MYH3: variants seen among roughly 807,000 people sequenced by gnomAD.
The protein encoded by MYH3 is myosin-3.
In MYH3, 130 loss-of-function variants were observed where a neutral mutation model predicts 238.0. The ratio of observed to expected loss-of-function variants is 0.55; its 90% CI spans 0.47 to 0.63. The LOEUF (loss-of-function observed/expected upper bound fraction) is 0.63, where lower values mean the gene tolerates loss of function less well. Ranked by LOEUF, MYH3 falls within the 30% of genes least tolerant of loss-of-function variation. The pLI is 0.00. For missense variants in MYH3, 1,853 were observed against 2,374.9 expected (o/e 0.78, Z 4.57); for synonymous variants, 880 against 924.1 (o/e 0.95, Z 0.86).
chr17:10,649,951 TTTTA>T lies in MYH3; in HGVS notation c.534-270_534-267del, dbSNP rs746586500. Among the ~76,000 whole-genome samples, 8 of 152,226 alleles carry T rather than the reference TTTTA, an allele frequency of 5.3e-5. 1 individual carries two copies. ...CCATCCCCAAATCGATCTTTTTATT[TTTTA>T]TTTATTTATTTTTCTCTTTTATTTT... On this transcript the variant is annotated intron_variant, in intron 6 of 40. Coordinates refer to ENST00000583535, the MANE Select transcript of MYH3 (RefSeq NM_002470.4).
rs2074356174 is a variant in MYH3, at chr17:10,649,610, C to G, written c.609G>C (p.Gly203=). The change falls in exon 7 of 41, where the codon GGG becomes GGC. Residue 203 remains glycine, a synonymous_variant. Coordinates refer to ENST00000583535, the MANE Select transcript of MYH3 (RefSeq NM_002470.4). The stretch of plus-strand genomic sequence containing the variant: ...TGGAGTCCTTCTTCTTGGCCAGGTC[C>G]CCAGTAGCTGCAATTGTTGCAAAGT... ...IQYFATIAAT[G]DLAKKKDSKM... The G allele has an allele frequency of 1.2e-6, 2 of 1,614,238 alleles. No individual in the cohort carries two copies. Among genetic ancestry groups the G allele is most frequent in the Non-Finnish European group, 8.5e-7 (1 of 1,180,028 alleles).
chr17:10,632,408 T>C, intron 34 of MYH3, 68 bp downstream of exon 34: 2 of 1,557,678 alleles, frequency 1.3e-6, no homozygotes, highest in South Asian at 2.2e-5. Flanking sequence ...CGTGCACCAC[T>C]GTGCCCAGCC....
chr17:10,660,877 C>G (rs1160004871), upstream of MYH3, among the ~76,000 whole-genome samples: 15 of 150,286 alleles, frequency 1.0e-4, no homozygotes, highest in African/African-American at 3.7e-4. Flanking sequence ...CCCAGCTATT[C>G]GAGAGGCTGA....
At position 10,654,733 on chromosome 17, in the gene MYH3, A is replaced by G. The variant is rs2074411986; in HGVS notation, c.204+128T>C. 3.4e-6 allele frequency: 3 copies of G among 885,934 alleles called. No individual in the cohort carries two copies. The highest frequency in any genetic ancestry group is 1.6e-5 in the African/African-American group (1 of 60,978). 54.9% of individuals were successfully genotyped at this position (885,934 alleles called of 1,614,324 possible). On this transcript the variant is annotated intron_variant, in intron 3 of 40. Transcript: ENST00000583535. The surrounding 1 kb of genome is among the most constrained non-coding windows in gnomAD (Gnocchi z 4.5). ...GAGGATACCTGGGAAGCCCCAGGCT[A>G]CATTGTATGCGGCATTCCAGTGCTG...
Position 10,643,088 on chromosome 17 carries a change from T to A in MYH3, c.1411-92A>T, listed in dbSNP as rs868054527. On this transcript the variant is annotated intron_variant, in intron 14 of 40. Transcript: ENST00000583535. ...TCCTCCTCATTGCCCCAGGTTCCTG[T>A]CAAACACATTAATGCTTTCAAATAC... The A allele has an allele frequency of 2.7e-5, 43 of 1,602,758 alleles. No individual in the cohort carries two copies. In the Middle Eastern group the frequency reaches 6.2e-3, roughly 229 times the overall value.
Position 10,638,348 on chromosome 17 carries a change from G to T in MYH3, c.3424C>A (p.Arg1142=), listed in dbSNP as rs377485236. ...CGCTCGCTCAGCTCCTCCAGCTCCC[G>T]GGCATAGTCGCTGCGCTGTTTCTCT... ...KTEKQRSDYA[R]ELEELSERLE... The change falls in exon 27 of 41, where the codon CGG becomes AGG. Residue 1142 remains arginine, a synonymous_variant. Transcript: ENST00000583535. 1.9e-6 allele frequency: 3 copies of T among 1,609,730 alleles called. No homozygotes were observed. The South Asian group carries it at 3.3e-5, about 18-fold the overall frequency.
the MYH3 span, among the ~76,000 whole-genome samples, chr17:10,667,470 A>G: frequency 7.9e-5 from 12 of 151,920 alleles, no homozygotes; most frequent in African/African-American, 2.9e-4. Flanking sequence ...TCACTTGAGG[A>G]TAGGAGTTTG....
At chr17:10,646,308 C>T (rs1434498067) in intron 10 of MYH3, among the ~76,000 whole-genome samples, 2 of 152,100 alleles carry the variant, frequency 1.3e-5, no homozygotes, top group African/African-American at 4.8e-5. Context: ...ATATCAGTGT[C>T]GGCTGGGAGA....
upstream of MYH3, among the ~76,000 whole-genome samples, chr17:10,660,228 T>C (rs1274858097): frequency 6.6e-6 from 1 of 152,232 alleles, no homozygotes; most frequent in Non-Finnish European, 1.5e-5. Context: ...CTGTGTTTGG[T>C]ACATTGCAGG....
chr17:10,632,110 G>T (rs866110122), intron 34 of MYH3, 94 bp from the exon 35 acceptor site: 1 of 1,379,784 alleles, frequency 7.2e-7, no homozygotes. Flanking sequence ...TTGTTTGTTT[G>T]TTTTTGTTTT....
intron 6 of MYH3, 123 bp from the exon 7 acceptor site, chr17:10,649,808 A>G: frequency 4.6e-6 from 4 of 872,400 alleles, no homozygotes; most frequent in Non-Finnish European, 7.6e-6. Context: ...TCACCACACT[A>G]ATGTGACAGA....
chr17:10,634,510 T>C (rs2074195047), intron 31 of MYH3, among the ~76,000 whole-genome samples: 2 of 151,952 alleles, frequency 1.3e-5, no homozygotes, highest in Non-Finnish European at 2.9e-5. Context: ...TTATCTGCCA[T>C]CTTGAAAGAA....
the MYH3 span, among the ~76,000 whole-genome samples, chr17:10,668,805 C>T: frequency 0.21 from 31,658 of 152,124 alleles, 3,483 homozygotes; most frequent in Non-Finnish European, 0.25. Context: ...TTTTCTTTTA[C>T]CACAAGTGAG....
In MYH3 at chr17:10,648,617, A is replaced by G. The variant is rs750358139; in HGVS notation, c.675T>C (p.Asn225=). The G allele has an allele frequency of 1.9e-6, 3 of 1,613,830 alleles. No homozygotes were observed. Among genetic ancestry groups the G allele is most frequent in the Non-Finnish European group, 2.5e-6 (3 of 1,179,920 alleles). Residue 225 remains asparagine (N), a synonymous_variant, in exon 8 of 41, where the codon AAT becomes AAC. Transcript: ENST00000583535. ...CGTTCCCAAAGGCCTCCAGCAGGGG[A>G]TTGGCACTGATGATTTGATCTTCCA... ...GTLEDQIISA[N]PLLEAFGNAK...
Position 10,633,733 on chromosome 17 carries a change from T to G in MYH3, c.4523-18A>C, listed in dbSNP as rs757985950. On this transcript the variant is annotated intron_variant, in intron 32 of 40. Transcript: ENST00000583535. ...TATCTCCTCTGTAAAGAAGTAAGTT[T>G]CAGTTGCATATGAGCGCCTCTGCGT... The G allele has an allele frequency of 6.2e-7, 1 of 1,613,738 alleles. No homozygotes were observed.
At chr17:10,641,014 T>C in intron 19 of MYH3, 71 bp downstream of exon 19, 1 of 1,225,412 alleles carries the variant, frequency 8.2e-7, no homozygotes, top group Middle Eastern at 2.7e-4. Context: ...TTCATACGAA[T>C]CTTTCTCCCT....
the MYH3 span, among the ~76,000 whole-genome samples, chr17:10,662,811 G>A: frequency 6.6e-6 from 1 of 152,132 alleles, no homozygotes; most frequent in Non-Finnish European, 1.5e-5. Flanking sequence ...TCGGGGCTGA[G>A]TGCAGTGGCT....
rs775119247 is a variant in MYH3, at chr17:10,638,439, A to G, written c.3340-7T>C. 1.3e-6 allele frequency: 2 copies of G among 1,599,484 alleles called. No individual in the cohort carries two copies. Among genetic ancestry groups the G allele is most frequent in the Non-Finnish European group, 1.7e-6 (2 of 1,179,912 alleles). ...CCAGCTCCTCAATTCGAGCCTGTGG[A>G]GGGCAGCCGTTCACCCCGTGGGCAG... On this transcript the variant is annotated splice_region_variant and splice_polypyrimidine_tract_variant and intron_variant, in intron 26 of 40. Coordinates refer to ENST00000583535, the MANE Select transcript of MYH3 (RefSeq NM_002470.4).
rs2074244025 is a variant in MYH3, at chr17:10,639,025, C to A, written c.3248+19G>T. ...ACACAGTAACTTGCAAAATGGAAGCCAGTGGTTGAAGGGCATACTTCTTGA... is the reference window on the plus strand; with the variant it reads ...ACACAGTAACTTGCAAAATGGAAGCAAGTGGTTGAAGGGCATACTTCTTGA... On this transcript the variant is annotated intron_variant, in intron 25 of 40. Coordinates refer to ENST00000583535, the MANE Select transcript of MYH3 (RefSeq NM_002470.4). The A allele has an allele frequency of 6.2e-7, 1 of 1,614,192 alleles. No homozygotes were observed.
Sources: allele counts gnomAD v4.1 joint callset (sites outside exome capture counted in the v4.1 genomes callset), GRCh38; gene constraint gnomAD v4.1.1; non-coding constraint Gnocchi (gnomAD v3.1); transcripts MANE v1.5; gene names NCBI Gene and HGNC (gene_info 2026-07-23, HGNC 2026-07-21).